SMARCC1: variants seen among roughly 807,000 people sequenced by gnomAD.
SMARCC1 encodes the protein SWI/SNF complex subunit SMARCC1.
Under a neutral mutation model 147.4 loss-of-function variants are expected in SMARCC1, and 43 were observed. The observed-to-expected ratio is 0.29, with a 90% CI of 0.23 to 0.38. SMARCC1 has a LOEUF of 0.38. Among genes scored for constraint, SMARCC1 ranks in the 10% least tolerant of loss-of-function variants. The probability of loss-of-function intolerance (pLI) is 1.00; values close to 1 mark genes in which losing one functional copy is unlikely to be tolerated. For synonymous variants in SMARCC1, 495 were observed against 484.4 expected, an observed-to-expected ratio of 1.02 and a Z score of -0.29; for missense variants, 1,119 against 1,381.1, an observed-to-expected ratio of 0.81 and a Z score of 3.01.
chr3:47,648,653 C>T (rs1386582247), intron 21 of SMARCC1, among the ~76,000 whole-genome samples: 2 of 152,010 alleles, frequency 1.3e-5, no homozygotes, highest in African/African-American at 4.8e-5. Flanking sequence ...CTCAGCTTCC[C>T]AAAGTGGTGG....
At chr3:47,738,675 T>A (rs1358930789) in intron 3 of SMARCC1, among the ~76,000 whole-genome samples, 1 of 150,632 alleles carries the variant, frequency 6.6e-6, no homozygotes, top group African/African-American at 2.4e-5. Flanking sequence ...AGAGCAAGAC[T>A]CCGTCTCAAA....
At chr3:47,647,111 T>C (rs2033129031) in intron 21 of SMARCC1, among the ~76,000 whole-genome samples, 1 of 152,328 alleles carries the variant, frequency 6.6e-6, no homozygotes, top group South Asian at 2.1e-4. Flanking sequence ...TGATGCACAA[T>C]GAAATGATCG....
At chr3:47,625,721 A>G (rs2032800551) in intron 24 of SMARCC1, among the ~76,000 whole-genome samples, 1 of 152,212 alleles carries the variant, frequency 6.6e-6, no homozygotes, top group Non-Finnish European at 1.5e-5. Context: ...TACACTAAAA[A>G]ATTCTTAGAA....
rs2033009036 is a variant in SMARCC1, at chr3:47,638,802, C to T, written c.2321-22G>A. 3.2e-6 allele frequency: 5 copies of T among 1,563,538 alleles called. No homozygotes were observed. The East Asian group carries it at 1.1e-4, about 35-fold the overall frequency. ...CCTTCTACAAGTAAAAGAATAAGAA[C>T]AAGTACTCCAATGTGGAAAAAGGTA... On this transcript the variant is annotated intron_variant, in intron 21 of 27. Transcript: ENST00000254480.
chr3:47,675,453 C>T (rs1213532876), intron 18 of SMARCC1, 22 bp downstream of exon 18: 1 of 1,154,352 alleles, frequency 8.7e-7, no homozygotes, highest in Non-Finnish European at 1.3e-6. Flanking sequence ...GATTGCAGCC[C>T]ATGTGTGATT....
intron 1 of SMARCC1, 62 bp from the exon 2 acceptor site, chr3:47,772,998 T>TTCC: frequency 6.7e-7 from 1 of 1,497,906 alleles, no homozygotes; most frequent in Admixed American, 1.7e-5. Context: ...AATGTTGGCT[T>TTCC]ACTTCCTAGT....
At chr3:47,680,148 G>T in intron 15 of SMARCC1, 1 of 270,888 alleles carries the variant, frequency 3.7e-6, no homozygotes, top group Middle Eastern at 1.2e-3. Flanking sequence ...TTTGAGTTCA[G>T]GGGGCAGAGA....
At position 47,676,723 on chromosome 3, in the gene SMARCC1, C is replaced by T. The variant is rs2106756273; in HGVS notation, c.1631G>A (p.Arg544Lys). 1 of 1,613,624 alleles carries T rather than the reference C, an allele frequency of 6.2e-7. No individual in the cohort carries two copies. The highest frequency in any genetic ancestry group is 2.2e-5 in the East Asian group (1 of 44,880). ...AGGAGGAGGTCCCATTGCCATGGGT[C>T]TACTTTCCGGGTCAACTTGGTAATT... ...LVNYQVDPES[R>K]PMAMGPPPTP... The change falls in exon 17 of 28, where the codon AGA (arginine) becomes AAA (lysine). Residue 544 changes from arginine to lysine, a missense_variant. Arg to Lys is a conservative substitution (Grantham distance 26, BLOSUM62 2). Coordinates refer to ENST00000254480, the MANE Select transcript of SMARCC1 (RefSeq NM_003074.4).
chr3:47,638,574 TC>T (rs1447176161), intron 22 of SMARCC1, 150 bp downstream of exon 22: 13 of 649,592 alleles, frequency 2.0e-5, no homozygotes, highest in Non-Finnish European at 3.6e-5. Context: ...CTATATTATA[TC>T]CTGTGAGAAC....
At chr3:47,597,088 T>C (rs1272905103) in intron 26 of SMARCC1, among the ~76,000 whole-genome samples, 2 of 148,830 alleles carry the variant, frequency 1.3e-5, no homozygotes, top group Middle Eastern at 3.2e-3. Context: ...GAGGCAGGAG[T>C]TGCAGTGAGC....
intron 1 of SMARCC1, among the ~76,000 whole-genome samples, chr3:47,773,515 A>C (rs2034940007): frequency 6.6e-6 from 1 of 152,184 alleles, no homozygotes; most frequent in Non-Finnish European, 1.5e-5. Flanking sequence ...CTTCACAGCA[A>C]GGAAAAATAA....
chr3:47,724,901 A>T (rs2034280262), intron 6 of SMARCC1, among the ~76,000 whole-genome samples: 2 of 151,954 alleles, frequency 1.3e-5, no homozygotes, highest in Non-Finnish European at 2.9e-5. Context: ...TTGTTTTTAA[A>T]TTAGCCATGT....
At chr3:47,781,449 A>C (rs2035046942) in intron 1 of SMARCC1, among the ~76,000 whole-genome samples, 154 bp downstream of exon 1, 3 of 152,068 alleles carry the variant, frequency 2.0e-5, no homozygotes, top group Admixed American at 2.0e-4. Flanking sequence ...GCGGGCGCCC[A>C]GAGCGGGCGG....
At chr3:47,621,298 CAAAAAAAAAAA>C (rs1183934374) in intron 25 of SMARCC1, among the ~76,000 whole-genome samples, 5 of 63,228 alleles carry the variant, frequency 7.9e-5, no homozygotes, top group African/African-American at 2.6e-4. Context: ...GACTCCGTCT[CAAAAAAAAAAA>C]AAAAAAAAAG....
At chr3:47,664,725 C>T (rs1259133322) in intron 19 of SMARCC1, among the ~76,000 whole-genome samples, 1 of 152,148 alleles carries the variant, frequency 6.6e-6, no homozygotes, top group Non-Finnish European at 1.5e-5. Flanking sequence ...CCCTTGAGGA[C>T]ACTGGCAATG....
At chr3:47,718,744 AGACT>A (rs2034192888) in intron 7 of SMARCC1, among the ~76,000 whole-genome samples, 1 of 152,012 alleles carries the variant, frequency 6.6e-6, no homozygotes, top group African/African-American at 2.4e-5. Context: ...AGGTGAAAGA[AGACT>A]GACTAGACCT....
At chr3:47,723,487 T>A (rs1210676787) in intron 6 of SMARCC1, among the ~76,000 whole-genome samples, 1 of 144,496 alleles carries the variant, frequency 6.9e-6, no homozygotes, top group African/African-American at 2.6e-5. Flanking sequence ...AAAAAAAAAA[T>A]TTAAAAGGCC....
At chr3:47,644,019 T>G (rs1388264601) in intron 21 of SMARCC1, among the ~76,000 whole-genome samples, 1 of 152,118 alleles carries the variant, frequency 6.6e-6, no homozygotes, top group Admixed American at 6.6e-5. Context: ...AGATTCCATA[T>G]CTATAAAAAA....
chr3:47,739,036 A>G (rs2034477540), intron 3 of SMARCC1, among the ~76,000 whole-genome samples: 1 of 152,266 alleles, frequency 6.6e-6, no homozygotes, highest in East Asian at 1.9e-4. Context: ...AAATCTTTAC[A>G]AAGTCTAATG....
Sources: allele counts gnomAD v4.1 joint callset (sites outside exome capture counted in the v4.1 genomes callset), GRCh38; gene constraint gnomAD v4.1.1; transcripts MANE v1.5; gene names NCBI Gene and HGNC (gene_info 2026-07-23, HGNC 2026-07-21).